Variants in PATJ observed in about 807,000 individuals in gnomAD.
PATJ encodes inaD-like protein.
In PATJ, 190 loss-of-function variants were observed where a neutral mutation model predicts 224.9. That is an observed-to-expected ratio of 0.84 (90% CI 0.75 to 0.95). The LOEUF (loss-of-function observed/expected upper bound fraction) is 0.95. Ranked by LOEUF, PATJ falls within the 40% of genes least tolerant of loss-of-function variation. PATJ has a pLI of 0.00. For synonymous variants in PATJ, 769 were observed against 820.3 expected, an observed-to-expected ratio of 0.94 and a Z score of 1.07; for missense variants, 2,121 against 2,270.3, an observed-to-expected ratio of 0.93 and a Z score of 1.34.
chr1:62,068,752 G>T (rs1656909926), intron 31 of PATJ, among the ~76,000 whole-genome samples: 1 of 152,168 alleles, frequency 6.6e-6, no homozygotes, highest in Non-Finnish European at 1.5e-5. Context: ...TCCTTCACTT[G>T]ATCACAGTAA....
At chr1:61,806,329 A>T (rs571590711) in intron 13 of PATJ, among the ~76,000 whole-genome samples, 89 of 152,152 alleles carry the variant, frequency 5.8e-4, no homozygotes, top group Non-Finnish European at 1.2e-3. Flanking sequence ...TGTCATTAAG[A>T]TGAGTCAAGG....
chr1:62,109,925 A>C (rs1483767152), intron 34 of PATJ, among the ~76,000 whole-genome samples: 1 of 152,250 alleles, frequency 6.6e-6, no homozygotes, highest in Admixed American at 6.5e-5. Context: ...TTTTTAAACT[A>C]TTTCTGTTTG....
intron 17 of PATJ, among the ~76,000 whole-genome samples, chr1:61,839,809 C>G (rs1377202196): frequency 6.6e-6 from 1 of 151,966 alleles, no homozygotes; most frequent in Non-Finnish European, 1.5e-5. Context: ...ATTCCTCTCC[C>G]CTCTTGAGTG....
At chr1:61,894,137 C>T (rs1310798112) in intron 22 of PATJ, among the ~76,000 whole-genome samples, 1 of 151,752 alleles carries the variant, frequency 6.6e-6, no homozygotes, top group Non-Finnish European at 1.5e-5. Context: ...GCCTGTAATC[C>T]CAGCTACTCG....
chr1:62,005,431 T>C (rs1040299140), intron 28 of PATJ, among the ~76,000 whole-genome samples: 2 of 151,804 alleles, frequency 1.3e-5, no homozygotes, highest in African/African-American at 2.4e-5. Flanking sequence ...TTTTTTTTTT[T>C]TCGTCTGTGT....
At chr1:61,899,284 T>C (rs1670796048) in intron 22 of PATJ, among the ~76,000 whole-genome samples, 1 of 152,184 alleles carries the variant, frequency 6.6e-6, no homozygotes, top group African/African-American at 2.4e-5. Flanking sequence ...TACATATTGA[T>C]ACAGAAACAA....
At chr1:62,146,504 A>G (rs2264960) in intron 41 of PATJ, among the ~76,000 whole-genome samples, 113,529 of 152,140 alleles carry the variant, frequency 0.75, 42,826 homozygotes, top group African/African-American at 0.85. Flanking sequence ...TACTGGCTGC[A>G]GTGGCTCACG....
chr1:61,895,736 G>A (rs538679709), intron 22 of PATJ, among the ~76,000 whole-genome samples: 2 of 152,332 alleles, frequency 1.3e-5, no homozygotes, highest in African/African-American at 4.8e-5. Flanking sequence ...GCCCCTAAAT[G>A]GAGTCCCCAT....
rs1553227611 is a variant in PATJ, at chr1:61,974,387, A to ATCTC, written c.3671-15765_3671-15762dup. On this transcript the variant is annotated intron_variant, in intron 27 of 43. Coordinates refer to ENST00000642238, the MANE Select transcript of PATJ (RefSeq NM_001350145.3). ...AGATAATTGCCTCAGAGATACCCCCATCTCTCTCTCTCTCTCTCTTTTTTT... is the reference window on the plus strand; with the variant it reads ...AGATAATTGCCTCAGAGATACCCCCATCTCTCTCTCTCTCTCTCTCTCTTTTTTT... 1.2e-3 allele frequency among the ~76,000 whole-genome samples: 160 copies of ATCTC among 128,038 alleles called. 2 individuals are homozygous for ATCTC. Among genetic ancestry groups the ATCTC allele is most frequent in the African/African-American group, 4.8e-3 (150 of 31,060 alleles). 84.0% of individuals were successfully genotyped at this position (128,038 alleles called of 152,430 possible). A position where few individuals can be genotyped will look rare whatever the true frequency, so the allele number is the denominator to read the frequency against.
chr1:61,902,739 A>G (rs917076884), intron 24 of PATJ, among the ~76,000 whole-genome samples: 4 of 152,164 alleles, frequency 2.6e-5, no homozygotes, highest in Admixed American at 2.6e-4. Flanking sequence ...CAATAAAATA[A>G]GTATATGTAG....
At chr1:61,785,021 A>T (rs1262527361) in intron 7 of PATJ, among the ~76,000 whole-genome samples, 1 of 151,784 alleles carries the variant, frequency 6.6e-6, no homozygotes, top group African/African-American at 2.4e-5. Context: ...TGTACGTATT[A>T]TTTCAATCTA....
intron 37 of PATJ, among the ~76,000 whole-genome samples, chr1:62,120,721 T>C (rs1450102860): frequency 1.3e-5 from 2 of 152,252 alleles, no homozygotes; most frequent in African/African-American, 4.8e-5. Flanking sequence ...TTGAGGGTTC[T>C]ATTTTGGCAG....
In PATJ at chr1:62,163,761, A is replaced by G. The variant is rs1178200467; in HGVS notation, c.*2707A>G. 2 of 152,162 alleles carry G rather than the reference A, an allele frequency of 1.3e-5. No homozygotes were observed. Among genetic ancestry groups the G allele is most frequent in the African/African-American group, 4.8e-5 (2 of 41,434 alleles). The allele number at this position is 152,162 out of a possible 1,614,324, so 9.4% of individuals were successfully genotyped here. ...TTTGTGAAAGAAGTAGTGCTCTTAT[A>G]TTTGGCCTCATCATTTGGGCCATTT... On this transcript the variant is annotated 3_prime_UTR_variant, in exon 44 of 44. Transcript: ENST00000642238.
At chr1:62,097,622 C>G (rs1661556387) in intron 33 of PATJ, among the ~76,000 whole-genome samples, 1 of 152,190 alleles carries the variant, frequency 6.6e-6, no homozygotes, top group African/African-American at 2.4e-5. Flanking sequence ...GTTAACCTGA[C>G]AGCAAGCTCA....
intron 39 of PATJ, among the ~76,000 whole-genome samples, chr1:62,124,571 G>A (rs1180164167): frequency 6.6e-6 from 1 of 152,200 alleles, no homozygotes; most frequent in Non-Finnish European, 1.5e-5. Flanking sequence ...TGCTAGATCT[G>A]CAGTTATAAA....
At chr1:61,904,365 T>C (rs1671587848) in intron 24 of PATJ, among the ~76,000 whole-genome samples, 1 of 152,220 alleles carries the variant, frequency 6.6e-6, no homozygotes, top group Non-Finnish European at 1.5e-5. Context: ...ACCTCCAATT[T>C]TAATATCTTA....
At chr1:61,969,698 T>C (rs1682671915) in intron 27 of PATJ, among the ~76,000 whole-genome samples, 1 of 152,174 alleles carries the variant, frequency 6.6e-6, no homozygotes, top group Non-Finnish European at 1.5e-5. Flanking sequence ...TTGTGTACTT[T>C]GTTTTGTTTG....
intron 18 of PATJ, among the ~76,000 whole-genome samples, chr1:61,859,300 T>C (rs995070133): frequency 2.8e-4 from 42 of 152,166 alleles, no homozygotes; most frequent in Non-Finnish European, 4.3e-4. Context: ...TTTTGGAACA[T>C]AATGATTGTG....
rs1368025013 is a variant in PATJ at position 62,017,941 on chromosome 1, T to TCCC, written c.3954_3955insCCC (p.Phe1318_Ile1319insPro). ...GCCCCATCAAAGGTCAAGCTGGTTT[T>TCCC]CATCAGGTAAGATTGCTAGATCTGG... is the stretch of plus-strand genomic sequence containing the variant. On this transcript the variant is annotated inframe_insertion, in exon 29 of 44. Coordinates refer to ENST00000642238, the MANE Select transcript of PATJ (RefSeq NM_001350145.3). 1 of 1,601,744 alleles carries TCCC rather than the reference T, an allele frequency of 6.2e-7. No homozygotes were observed. Among genetic ancestry groups the TCCC allele is most frequent in the African/African-American group, 1.3e-5 (1 of 74,772 alleles).
Sources: gnomAD v4.1 joint callset for allele counts (sites outside exome capture counted in the v4.1 genomes callset) on GRCh38, gnomAD v4.1.1 for gene constraint, MANE v1.5 for transcripts, NCBI Gene and HGNC (gene_info 2026-07-23, HGNC 2026-07-21) for gene names.